Variants in NTNG1 observed in about 807,000 individuals in gnomAD.
NTNG1 encodes the protein netrin-G1.
In NTNG1, 16 loss-of-function variants were observed where a neutral mutation model predicts 54.0. The observed-to-expected ratio is 0.30, with a 90% CI of 0.20 to 0.45. NTNG1 has a LOEUF of 0.45. NTNG1 is among the 20% of genes least tolerant of loss of function. The probability of loss-of-function intolerance (pLI) is 1.00; values close to 1 mark genes in which losing one functional copy is unlikely to be tolerated. For synonymous variants in NTNG1, 255 were observed against 263.1 expected, an observed-to-expected ratio of 0.97 and a Z score of 0.30; for missense variants, 530 against 678.7, an observed-to-expected ratio of 0.78 and a Z score of 2.43.
intron 2 of NTNG1, among the ~76,000 whole-genome samples, chr1:107,166,612 T>G (rs1655815761): frequency 6.6e-6 from 1 of 152,134 alleles, no homozygotes. Flanking sequence ...AAGATCCAAT[T>G]CAAAATATAT....
intron 7 of NTNG1, among the ~76,000 whole-genome samples, chr1:107,474,025 G>T (rs635309): frequency 0.82 from 124,758 of 152,180 alleles, 51,304 homozygotes; most frequent in East Asian, 0.94. Flanking sequence ...TTATCAATAC[G>T]AAAAGGAATC....
At position 107,480,594 on chromosome 1, in the gene NTNG1, T is replaced by G. The variant is rs775350402; in HGVS notation, c.1391-17T>G. The G allele has an allele frequency of 2.2e-6, 1 of 449,948 alleles. No individual in the cohort carries two copies. Among genetic ancestry groups the G allele is most frequent in the Non-Finnish European group, 4.3e-6 (1 of 230,006 alleles). The allele number at this position is 449,948 out of a possible 1,614,324, so 27.9% of individuals were successfully genotyped here. ...TCCCCGCGCCCACCCACCCCTACCT[T>G]CCCCCTCATTCTGCAGCGAATGTCT... On this transcript the variant is annotated splice_polypyrimidine_tract_variant and intron_variant, in intron 7 of 7. Coordinates refer to ENST00000370068, the MANE Select transcript of NTNG1 (RefSeq NM_001113226.3).
chr1:107,200,049 G>T (rs1464980378), intron 2 of NTNG1, among the ~76,000 whole-genome samples: 1 of 151,812 alleles, frequency 6.6e-6, no homozygotes, highest in Non-Finnish European at 1.5e-5. Context: ...GACATGACAA[G>T]TACTATGATT....
chr1:107,306,200 G>C (rs1398625932), intron 2 of NTNG1, among the ~76,000 whole-genome samples: 3 of 152,038 alleles, frequency 2.0e-5, no homozygotes, highest in Non-Finnish European at 4.4e-5. Flanking sequence ...AATGAAACAG[G>C]TAAAATAATT....
chr1:107,293,064 C>T (rs1184223818), intron 2 of NTNG1, among the ~76,000 whole-genome samples: 2 of 152,112 alleles, frequency 1.3e-5, no homozygotes, highest in East Asian at 3.9e-4. Flanking sequence ...GCTGATAACA[C>T]TATAAGTATT....
intron 2 of NTNG1, among the ~76,000 whole-genome samples, chr1:107,239,792 A>G (rs897379939): frequency 1.4e-5 from 2 of 146,292 alleles, no homozygotes; most frequent in Non-Finnish European, 3.0e-5. Context: ...GTGGTTAAAT[A>G]AAAAAAAAAT....
At chr1:107,305,762 A>G (rs941569285) in intron 2 of NTNG1, among the ~76,000 whole-genome samples, 2 of 151,976 alleles carry the variant, frequency 1.3e-5, no homozygotes, top group Admixed American at 6.6e-5. Flanking sequence ...CCATTTGTCT[A>G]TTTTGGCTTT....
chr1:107,372,834 A>G (rs898922698), intron 3 of NTNG1, among the ~76,000 whole-genome samples: 1 of 152,114 alleles, frequency 6.6e-6, no homozygotes, highest in African/African-American at 2.4e-5. Context: ...AGAATAAACG[A>G]TTAGAATTAT....
chr1:107,159,291 T>C (rs1655236226), intron 2 of NTNG1, among the ~76,000 whole-genome samples: 1 of 152,220 alleles, frequency 6.6e-6, no homozygotes, highest in Non-Finnish European at 1.5e-5. Context: ...GTGGCTACTA[T>C]CTGGCTCAGA....
chr1:107,198,070 T>A (rs71655906), intron 2 of NTNG1, among the ~76,000 whole-genome samples: 12,348 of 152,064 alleles, frequency 0.081, 681 homozygotes, highest in Non-Finnish European at 0.12. Context: ...ATTTTCAATA[T>A]TTCAGTAAAA....
chr1:107,164,249 G>C (rs373457548), intron 2 of NTNG1, among the ~76,000 whole-genome samples: 2 of 152,330 alleles, frequency 1.3e-5, no homozygotes, highest in East Asian at 3.9e-4. Context: ...GGACTTCCTT[G>C]TGCTGGTCAC....
chr1:107,241,706 G>T (rs983375951), intron 2 of NTNG1, among the ~76,000 whole-genome samples: 5 of 152,122 alleles, frequency 3.3e-5, no homozygotes, highest in African/African-American at 1.2e-4. Flanking sequence ...ATTGGCACAA[G>T]GGCATCACTA....
chr1:107,477,032 G>C (rs1678373939), intron 7 of NTNG1, among the ~76,000 whole-genome samples: 1 of 152,232 alleles, frequency 6.6e-6, no homozygotes, highest in Non-Finnish European at 1.5e-5. Flanking sequence ...TAATTCCTGT[G>C]TTAAGTAAGC....
intron 2 of NTNG1, among the ~76,000 whole-genome samples, chr1:107,221,914 T>C (rs1344668038): frequency 6.6e-6 from 1 of 152,160 alleles, no homozygotes; most frequent in Non-Finnish European, 1.5e-5. Context: ...TGCTAAGCTA[T>C]CCAGCCTCAT....
At chr1:107,318,226 T>C (rs1174515114) in intron 2 of NTNG1, among the ~76,000 whole-genome samples, 1 of 152,136 alleles carries the variant, frequency 6.6e-6, no homozygotes, top group African/African-American at 2.4e-5. Flanking sequence ...CTGTCCCGCC[T>C]GGGACATGAC....
intron 2 of NTNG1, among the ~76,000 whole-genome samples, chr1:107,186,865 G>T (rs997760122): frequency 9.9e-5 from 15 of 151,968 alleles, no homozygotes; most frequent in Non-Finnish European, 8.8e-5. Flanking sequence ...CATTCTACCT[G>T]GATTATCTCT....
At chr1:107,335,298 C>A (rs1393462006) in intron 3 of NTNG1, among the ~76,000 whole-genome samples, 2 of 151,944 alleles carry the variant, frequency 1.3e-5, no homozygotes, top group Non-Finnish European at 2.9e-5. Context: ...ATGTTTGCTT[C>A]TTGAGTTTAC....
intron 7 of NTNG1, among the ~76,000 whole-genome samples, chr1:107,454,854 G>A (rs1463837015): frequency 1.3e-5 from 2 of 152,164 alleles, no homozygotes; most frequent in Non-Finnish European, 2.9e-5. Flanking sequence ...GCTTACAGAG[G>A]TGAAGCACAT....
At chr1:107,402,255 G>C (rs892656979) in intron 4 of NTNG1, among the ~76,000 whole-genome samples, 2 of 152,132 alleles carry the variant, frequency 1.3e-5, no homozygotes, top group East Asian at 3.9e-4. Flanking sequence ...TGAATGACTT[G>C]AATGTTAATA....
Sources: gnomAD v4.1 joint callset for allele counts (sites outside exome capture counted in the v4.1 genomes callset) on GRCh38, gnomAD v4.1.1 for gene constraint, MANE v1.5 for transcripts, NCBI Gene and HGNC (gene_info 2026-07-23, HGNC 2026-07-21) for gene names.